The following ASTN2 variants were observed in gnomAD, a reference collection of about 807,000 sequenced individuals.
The protein encoded by ASTN2 is astrotactin 2.
ASTN2 carries 54 observed loss-of-function variants against 139.8 expected under a neutral mutation model. The observed-to-expected ratio is 0.39, with a 90% confidence interval of 0.31 to 0.48. ASTN2 has a LOEUF of 0.48. Among genes scored for constraint, ASTN2 ranks in the 20% least tolerant of loss-of-function variants. The pLI is 0.95. For missense variants in ASTN2, 1,565 were observed against 1,725.1 expected (o/e 0.91, Z 1.64); for synonymous variants, 756 against 719.5 (o/e 1.05, Z -0.81).
rs55634992 is a variant in ASTN2, at chr9:116,839,881, A to ATTATT, written c.2041-19099_2041-19098insAATAA. ...TTTCATTATTATTATTATTATTATT[A>ATTATT]TTTTTTTTTTTTTAATTGATCATTC... On this transcript the variant is annotated intron_variant, in intron 11 of 22. Transcript: ENST00000313400. Among the ~76,000 whole-genome samples, 787 of 127,950 alleles carry ATTATT rather than the reference A, an allele frequency of 6.2e-3. 6 individuals are homozygous for ATTATT. The highest frequency in any genetic ancestry group is 0.018 in the East Asian group (75 of 4,108). The allele number at this position is 127,950 out of a possible 152,430, so 83.9% of individuals were successfully genotyped here. A position where few individuals can be genotyped will look rare whatever the true frequency, so the allele number is the denominator to read the frequency against.
At chr9:117,110,640 C>A (rs1168025851) in intron 4 of ASTN2, among the ~76,000 whole-genome samples, 1 of 151,964 alleles carries the variant, frequency 6.6e-6, no homozygotes, top group Non-Finnish European at 1.5e-5. Flanking sequence ...ACATTCTGGA[C>A]AAAATGCCAA....
intron 13 of ASTN2, among the ~76,000 whole-genome samples, chr9:116,750,821 C>T (rs10732383): frequency 0.57 from 86,488 of 152,042 alleles, 25,420 homozygotes; most frequent in South Asian, 0.78. Context: ...TACAGGACAG[C>T]TGGAAATTAT....
intron 5 of ASTN2, among the ~76,000 whole-genome samples, chr9:117,076,770 C>T (rs1828292142): frequency 6.6e-6 from 1 of 152,128 alleles, no homozygotes; most frequent in African/African-American, 2.4e-5. Flanking sequence ...GTGGTCCAGC[C>T]CCATCACCAT....
chr9:116,614,211 C>T (rs535738575), intron 19 of ASTN2, among the ~76,000 whole-genome samples: 5 of 152,166 alleles, frequency 3.3e-5, no homozygotes, highest in African/African-American at 1.2e-4. Flanking sequence ...CACTGCTCAA[C>T]AAAATAAAAG....
At chr9:116,973,117 C>T (rs1319243708) in intron 10 of ASTN2, among the ~76,000 whole-genome samples, 3 of 152,122 alleles carry the variant, frequency 2.0e-5, no homozygotes, top group Admixed American at 1.3e-4. Flanking sequence ...TCTTTTATCC[C>T]CTATTGCAGA....
intron 2 of ASTN2, among the ~76,000 whole-genome samples, chr9:117,218,553 T>A (rs1423182994): frequency 6.6e-6 from 1 of 152,176 alleles, no homozygotes; most frequent in Non-Finnish European, 1.5e-5. Flanking sequence ...TTAGGTAACG[T>A]TGCAAGCACC....
At position 116,978,063 on chromosome 9, in the gene ASTN2, T is replaced by C. The variant is rs538692020; in HGVS notation, c.1592-1278A>G. Among the ~76,000 whole-genome samples the C allele has an allele frequency of 2.0e-5, 3 of 152,172 alleles. No individual in the cohort carries two copies. The East Asian group carries it at 5.8e-4, about 29-fold the overall frequency. On this transcript the variant is annotated intron_variant, in intron 7 of 22. Transcript: ENST00000313400. ...TGAGTTACTGCTTTTTTCTCCAAGG[T>C]TTATTTGTGAGATGCTTAAAGATGC... is the stretch of plus-strand genomic sequence containing the variant.
At chr9:116,896,725 T>A (rs1833888592) in intron 10 of ASTN2, among the ~76,000 whole-genome samples, 1 of 152,112 alleles carries the variant, frequency 6.6e-6, no homozygotes, top group Admixed American at 6.6e-5. Flanking sequence ...AGCAGGGACG[T>A]CTCACATGGT....
At chr9:116,896,798 C>T (rs1188326516) in intron 10 of ASTN2, among the ~76,000 whole-genome samples, 1 of 152,152 alleles carries the variant, frequency 6.6e-6, no homozygotes, top group African/African-American at 2.4e-5. Context: ...CTCATGAGAA[C>T]TCACTCATTT....
intron 10 of ASTN2, among the ~76,000 whole-genome samples, chr9:116,877,307 A>G (rs986169897): frequency 7.5e-6 from 1 of 132,606 alleles, no homozygotes; most frequent in Non-Finnish European, 1.7e-5. Context: ...TTTCTATCTA[A>G]GTGTGGGTTT....
At chr9:117,104,283 A>C (rs1382228795) in intron 4 of ASTN2, among the ~76,000 whole-genome samples, 1 of 152,232 alleles carries the variant, frequency 6.6e-6, no homozygotes, top group East Asian at 1.9e-4. Context: ...GACTGATGAA[A>C]AAATCATAGC....
chr9:117,402,239 G>A (rs539979251), intron 1 of ASTN2, among the ~76,000 whole-genome samples: 1 of 152,126 alleles, frequency 6.6e-6, no homozygotes, highest in Admixed American at 6.5e-5. Flanking sequence ...GATAATTTTT[G>A]TGTTTTTAGT....
intron 5 of ASTN2, among the ~76,000 whole-genome samples, chr9:117,064,323 G>A (rs7848256): frequency 0.24 from 35,946 of 151,946 alleles, 5,564 homozygotes; most frequent in African/African-American, 0.45. Context: ...TCTACTGGGT[G>A]TCACAGTCTT....
chr9:116,917,834 G>T (rs775310938), intron 10 of ASTN2, among the ~76,000 whole-genome samples: 3 of 152,160 alleles, frequency 2.0e-5, no homozygotes, highest in Non-Finnish European at 4.4e-5. Flanking sequence ...ATGAACATGG[G>T]AGATATGGTA....
chr9:117,399,829 C>T (rs886424681), intron 1 of ASTN2, among the ~76,000 whole-genome samples: 14 of 152,186 alleles, frequency 9.2e-5, no homozygotes, highest in East Asian at 1.9e-4. Flanking sequence ...ATCCCCTATG[C>T]TAATCCCAAT....
intron 16 of ASTN2, among the ~76,000 whole-genome samples, chr9:116,708,924 T>G (rs1019361096): frequency 2.0e-5 from 3 of 152,172 alleles, no homozygotes; most frequent in African/African-American, 7.2e-5. Context: ...TTTAGCAACC[T>G]CCTCCCATGA....
chr9:116,638,968 A>C (rs1486846874), intron 17 of ASTN2, among the ~76,000 whole-genome samples: 1 of 152,250 alleles, frequency 6.6e-6, no homozygotes, highest in Non-Finnish European at 1.5e-5. Context: ...ACATGAAATT[A>C]TCTCATGTTT....
chr9:116,430,754 A>T (rs1019566177), intron 22 of ASTN2, among the ~76,000 whole-genome samples: 2 of 152,242 alleles, frequency 1.3e-5, no homozygotes, highest in Non-Finnish European at 2.9e-5. Context: ...GCATTTAGAA[A>T]ACAAAGAAGA....
intron 16 of ASTN2, among the ~76,000 whole-genome samples, chr9:116,705,248 A>C (rs1285282558): frequency 6.6e-6 from 1 of 152,196 alleles, no homozygotes; most frequent in Non-Finnish European, 1.5e-5. Context: ...GAGATGATGG[A>C]TATATAAATG....
Sources: gnomAD v4.1 joint callset for allele counts (sites outside exome capture counted in the v4.1 genomes callset) on GRCh38, gnomAD v4.1.1 for gene constraint, MANE v1.5 for transcripts, NCBI Gene and HGNC (gene_info 2026-07-23, HGNC 2026-07-21) for gene names.